Variants in ETFB observed in about 807,000 individuals in gnomAD.
ETFB encodes the protein electron transfer flavoprotein subunit beta, also known as beta-ETF.
ETFB carries 20 observed loss-of-function variants against 25.6 expected under a neutral mutation model. That is an observed-to-expected ratio of 0.78 (90% confidence interval 0.55 to 1.14). The LOEUF is 1.14. Ranked by LOEUF, ETFB falls within the 50% of genes most tolerant of loss-of-function variation. ETFB has a pLI of 0.00. For synonymous variants in ETFB, 142 were observed against 146.7 expected (o/e 0.97, Z 0.23); for missense variants, 286 against 342.6 (o/e 0.83, Z 1.30).
At chr19:51,356,365 G>A (rs1266659743) in intron 1 of ETFB, 3 of 152,054 alleles carry the variant, frequency 2.0e-5, no homozygotes, top group Non-Finnish European at 4.4e-5. Flanking sequence ...GACCAATACT[G>A]ACCCTGCCTA....
chr19:51,365,345 GCTCCTGTACC>G (rs1986330330), intron 1 of ETFB: 1 of 152,190 alleles, frequency 6.6e-6, no homozygotes, highest in East Asian at 1.9e-4. Context: ...CTCAAGTCTG[GCTCCTGTACC>G]CTCTTCCCCA....
At position 51,350,319 on chromosome 19, in the gene ETFB, C is replaced by A; in HGVS notation, c.438+10G>T. The A allele has an allele frequency of 6.2e-7, 1 of 1,609,444 alleles. No homozygotes were observed. ...TGGCCCTCAGCAGGTGCTCCCCACT[C>A]CAGTCTCACCTGTGGCCAGTCAAGA... is the stretch of plus-strand genomic sequence containing the variant. On this transcript the variant is annotated intron_variant, in intron 4 of 5. Coordinates refer to ENST00000309244, the MANE Select transcript of ETFB (RefSeq NM_001985.3).
intron 1 of ETFB, among the ~76,000 whole-genome samples, chr19:51,359,044 G>A (rs902562082): frequency 1.6e-4 from 24 of 152,058 alleles, no homozygotes; most frequent in African/African-American, 5.8e-4. Flanking sequence ...GAAGGAGCTG[G>A]AAGAGGAGAG....
intron 1 of ETFB, among the ~76,000 whole-genome samples, chr19:51,362,264 T>C (rs1440322138): frequency 6.6e-6 from 1 of 151,782 alleles, no homozygotes; most frequent in Non-Finnish European, 1.5e-5. Context: ...TAAACATCCA[T>C]TACTACTACT....
At chr19:51,352,200 C>G (rs1985947735) in intron 3 of ETFB, among the ~76,000 whole-genome samples, 1 of 152,116 alleles carries the variant, frequency 6.6e-6, no homozygotes, top group Admixed American at 6.5e-5. Context: ...ATTTCCCATT[C>G]CAGTCCATTC....
At chr19:51,354,741 G>T in intron 1 of ETFB, 1 of 1,354,060 alleles carries the variant, frequency 7.4e-7, no homozygotes, top group South Asian at 1.2e-5. Flanking sequence ...GTTAAGGGTG[G>T]TCCTCAGAGG....
chr19:51,357,404 CT>C (rs1264150597), intron 1 of ETFB, among the ~76,000 whole-genome samples: 1 of 129,224 alleles, frequency 7.7e-6, no homozygotes, highest in Admixed American at 7.7e-5. Flanking sequence ...GTGATTTCCC[CT>C]TCTCAGGTGC....
intron 1 of ETFB, among the ~76,000 whole-genome samples, chr19:51,363,888 G>C (rs1340221981): frequency 6.6e-6 from 1 of 152,192 alleles, no homozygotes; most frequent in Non-Finnish European, 1.5e-5. Flanking sequence ...AGGAGGAGCA[G>C]GTCACAGTGG....
chr19:51,362,557 A>G (rs1277924266), intron 1 of ETFB, among the ~76,000 whole-genome samples: 1 of 152,238 alleles, frequency 6.6e-6, no homozygotes, highest in African/African-American at 2.4e-5. Context: ...CCTGGGCAAC[A>G]GAGATAGACT....
intron 3 of ETFB, among the ~76,000 whole-genome samples, chr19:51,351,515 G>C (rs1195554780): frequency 6.6e-6 from 1 of 152,214 alleles, no homozygotes; most frequent in African/African-American, 2.4e-5. Flanking sequence ...CTGGCCCCAG[G>C]AACTGTCCCT....
intron 4 of ETFB, among the ~76,000 whole-genome samples, chr19:51,350,029 C>T (rs550636009): frequency 2.0e-5 from 3 of 152,292 alleles, no homozygotes; most frequent in Non-Finnish European, 4.4e-5. Context: ...GGATTACAGG[C>T]ATGACTCACC....
At chr19:51,363,738 C>T (rs1029008234) in intron 1 of ETFB, among the ~76,000 whole-genome samples, 3 of 152,064 alleles carry the variant, frequency 2.0e-5, no homozygotes, top group Admixed American at 6.6e-5. Flanking sequence ...TGTGAGCCAC[C>T]GCGCCTGGCC....
chr19:51,363,425 C>T (rs776357916), intron 1 of ETFB, among the ~76,000 whole-genome samples: 6 of 151,808 alleles, frequency 4.0e-5, no homozygotes, highest in African/African-American at 1.2e-4. Flanking sequence ...CTGGAGGAGG[C>T]GATGCCAGGG....
chr19:51,364,589 T>G (rs551406718), intron 1 of ETFB, among the ~76,000 whole-genome samples: 1 of 152,044 alleles, frequency 6.6e-6, no homozygotes, highest in South Asian at 2.1e-4. Flanking sequence ...AGGCCAGGGC[T>G]GGGATGGAGA....
chr19:51,364,440 CCT>C (rs1376347117), intron 1 of ETFB, among the ~76,000 whole-genome samples: 2 of 152,152 alleles, frequency 1.3e-5, no homozygotes, highest in Non-Finnish European at 2.9e-5. Flanking sequence ...TCACGCTTCC[CCT>C]CTGTTCTCTC....
At chr19:51,348,149 T>C (rs4802784) in intron 4 of ETFB, 131,420 of 152,274 alleles carry the variant, frequency 0.86, 57,509 homozygotes, top group African/African-American at 0.94. Flanking sequence ...GGCGCAGTGG[T>C]TCATGCCTGT....
intron 3 of ETFB, among the ~76,000 whole-genome samples, chr19:51,351,811 C>T (rs900878880): frequency 2.6e-5 from 4 of 152,086 alleles, no homozygotes; most frequent in African/African-American, 9.7e-5. Context: ...CTGACCTGGC[C>T]CTGGGATCCC....
chr19:51,349,907 C>G (rs1200488734), intron 4 of ETFB, among the ~76,000 whole-genome samples: 1 of 152,044 alleles, frequency 6.6e-6, no homozygotes, highest in Non-Finnish European at 1.5e-5. Context: ...CCACCACACC[C>G]AGCTAATTTT....
rs188962750 is a variant in ETFB at position 51,350,826 on chromosome 19, C to T, written c.376-435G>A. On this transcript the variant is annotated intron_variant, in intron 3 of 5. Transcript: ENST00000309244. Reference sequence around the variant, plus strand: ...GATGTAGTAAATATCTCAGGCTCTGCAGGTCATACGGTCTCTGTCACGGTG... The same window carrying T: ...GATGTAGTAAATATCTCAGGCTCTGTAGGTCATACGGTCTCTGTCACGGTG... Among the ~76,000 whole-genome samples the T allele has an allele frequency of 1.7e-3, 256 of 152,336 alleles. No homozygotes were observed. In the Middle Eastern group the frequency reaches 0.02, roughly 12 times the overall value.
Sources: allele counts gnomAD v4.1 joint callset (sites outside exome capture counted in the v4.1 genomes callset), GRCh38; gene constraint gnomAD v4.1.1; transcripts MANE v1.5; gene names NCBI Gene and HGNC (gene_info 2026-07-23, HGNC 2026-07-21).